The following GAP43 variants were observed in gnomAD, a reference collection of about 807,000 sequenced individuals.
The protein encoded by GAP43 is growth associated protein 43, also known as neuromodulin.
A neutral mutation model predicts 18.6 loss-of-function variants in GAP43; 6 were observed. The observed-to-expected ratio is 0.32, with a 90% CI of 0.18 to 0.64. The LOEUF is 0.64. Among genes scored for constraint, GAP43 ranks in the 30% least tolerant of loss-of-function variants. The probability of loss-of-function intolerance (pLI) is 0.78; values close to 1 mark genes in which losing one functional copy is unlikely to be tolerated. For missense variants in GAP43, 292 were observed against 295.5 expected, an observed-to-expected ratio of 0.99 and a Z score of 0.09; for synonymous variants, 115 against 111.4, an observed-to-expected ratio of 1.03 and a Z score of -0.20.
At chr3:115,676,938 T>C (rs1708900766) in intron 2 of GAP43, among the ~76,000 whole-genome samples, 1 of 152,248 alleles carries the variant, frequency 6.6e-6, no homozygotes, top group African/African-American at 2.4e-5. Context: ...TGTGTGCTGA[T>C]AGACTTAGTT....
At chr3:115,719,652 G>GT (rs1398407254) in intron 2 of GAP43, among the ~76,000 whole-genome samples, 5 of 152,124 alleles carry the variant, frequency 3.3e-5, no homozygotes, top group African/African-American at 9.7e-5. Flanking sequence ...AATTTGTTTG[G>GT]TTTCCTCCAA....
At chr3:115,716,957 T>G (rs1327692228) in intron 2 of GAP43, among the ~76,000 whole-genome samples, 1 of 151,758 alleles carries the variant, frequency 6.6e-6, no homozygotes, top group Non-Finnish European at 1.5e-5. Flanking sequence ...GCTACTTAGT[T>G]TCAGTGCCGA....
intron 2 of GAP43, among the ~76,000 whole-genome samples, chr3:115,698,211 A>AT (rs1491589531): frequency 3.7e-4 from 9 of 24,030 alleles, no homozygotes; most frequent in South Asian, 2.2e-3. Flanking sequence ...TATATTATAT[A>AT]AAATATATAA....
chr3:115,712,638 CATT>C (rs1346213079), intron 2 of GAP43, among the ~76,000 whole-genome samples: 1 of 152,040 alleles, frequency 6.6e-6, no homozygotes, highest in African/African-American at 2.4e-5. Flanking sequence ...GTAGGGCACG[CATT>C]ATTATTCATA....
chr3:115,687,792 T>G (rs1709053891), intron 2 of GAP43, among the ~76,000 whole-genome samples: 1 of 152,196 alleles, frequency 6.6e-6, no homozygotes, highest in Non-Finnish European at 1.5e-5. Flanking sequence ...GTTTTAAACT[T>G]AAGACCAAAT....
chr3:115,702,589 A>G (rs1401696939), intron 2 of GAP43, among the ~76,000 whole-genome samples: 4 of 152,164 alleles, frequency 2.6e-5, no homozygotes, highest in Admixed American at 2.6e-4. Context: ...AAGAGACTCC[A>G]GATCTCAAGA....
At position 115,676,595 on chromosome 3, in the gene GAP43, G is replaced by T; in HGVS notation, c.613G>T (p.Ala205Ser). The change falls in exon 2 of 3, where the codon GCT (alanine) becomes TCT (serine). Residue 205 changes from alanine (A) to serine (S), a missense_variant. Transcript: ENST00000305124. ...AACGGAGACTGGGGAGAGCAGCCAA[G>T]CTGAAGAGAACATAGGTGAGCAACC... is the stretch of plus-strand genomic sequence containing the variant. ...PPTETGESSQAEENIEAVDET... is the reference protein window; with the variant it reads ...PPTETGESSQSEENIEAVDET... 6.2e-7 allele frequency: 1 copy of T among 1,603,606 alleles called. No homozygotes were observed. The highest frequency in any genetic ancestry group is 8.5e-7 in the Non-Finnish European group (1 of 1,177,132).
chr3:115,635,796 T>C (rs1376402795), intron 1 of GAP43, among the ~76,000 whole-genome samples: 1 of 152,146 alleles, frequency 6.6e-6, no homozygotes, highest in Non-Finnish European at 1.5e-5. Flanking sequence ...AATTCAGTTT[T>C]TATCTTCACT....
chr3:115,663,465 C>G, intron 1 of GAP43: 1 of 1,057,432 alleles, frequency 9.5e-7, no homozygotes, highest in Non-Finnish European at 1.2e-6. Context: ...CTCTCCCTCC[C>G]TCTTCTCCCA....
intron 1 of GAP43, among the ~76,000 whole-genome samples, chr3:115,634,571 A>C (rs1708305540): frequency 6.6e-6 from 1 of 152,062 alleles, no homozygotes; most frequent in Non-Finnish European, 1.5e-5. Flanking sequence ...GGAGTTCGAG[A>C]CCAGCCTGGG....
At chr3:115,701,896 G>T (rs1232298830) in intron 2 of GAP43, among the ~76,000 whole-genome samples, 1 of 152,068 alleles carries the variant, frequency 6.6e-6, no homozygotes, top group Non-Finnish European at 1.5e-5. Flanking sequence ...AACATCAATT[G>T]TATTAGTACA....
At chr3:115,632,661 G>A (rs80027415) in intron 1 of GAP43, among the ~76,000 whole-genome samples, 10,082 of 152,154 alleles carry the variant, frequency 0.066, 416 homozygotes, top group Non-Finnish European at 0.091. Context: ...ACTGGATCAA[G>A]TTAGTCTAAG....
chr3:115,653,168 G>C (rs1018013618), intron 1 of GAP43, among the ~76,000 whole-genome samples: 1 of 152,052 alleles, frequency 6.6e-6, no homozygotes, highest in African/African-American at 2.4e-5. Flanking sequence ...GGCTAGGTGC[G>C]GTGGCTCATA....
In GAP43 at chr3:115,661,831, C is replaced by CTTTTTT. The variant is rs56209932; in HGVS notation, c.31-14173_31-14168dup. Among the ~76,000 whole-genome samples, 221 of 105,956 alleles carry CTTTTTT rather than the reference C, an allele frequency of 2.1e-3. 14 individuals carry two copies. The highest frequency in any genetic ancestry group is 8.4e-3 in the African/African-American group (207 of 24,564). The allele number at this position is 105,956 out of a possible 152,430, so 69.5% of individuals were successfully genotyped here. On this transcript the variant is annotated intron_variant, in intron 1 of 2. Transcript: ENST00000305124. ...AGTTTGGCTTGGGGAGAAACTAGGG[C>CTTTTTT]TTTTTTTTTTTTTTACCTGGGAGCT...
chr3:115,667,188 G>A (rs1274972864), intron 1 of GAP43, among the ~76,000 whole-genome samples: 1 of 152,070 alleles, frequency 6.6e-6, no homozygotes, highest in Admixed American at 6.5e-5. Context: ...TTAGAAGATT[G>A]TAAAAAAACA....
At chr3:115,675,923 A>G (rs1284622387) in intron 1 of GAP43, 90 bp from the exon 2 acceptor site, 2 of 1,514,246 alleles carry the variant, frequency 1.3e-6, no homozygotes, top group Non-Finnish European at 1.8e-6. Context: ...GCACAAAATA[A>G]ATCACTTAAT....
At chr3:115,647,762 A>C (rs367779580) in intron 1 of GAP43, among the ~76,000 whole-genome samples, 51 of 140,166 alleles carry the variant, frequency 3.6e-4, no homozygotes, top group African/African-American at 8.7e-4. Flanking sequence ...AAAAAACAAA[A>C]AAAAAAAACG....
rs189333500 is a variant in GAP43 at position 115,695,134 on chromosome 3, A to G, written c.628+18524A>G. ...GAAGTTCAATGTGATCAGAAAAGAAAAATTTTAGGATCTTTCAGAGTTAAA... is the reference window on the plus strand; with the variant it reads ...GAAGTTCAATGTGATCAGAAAAGAAGAATTTTAGGATCTTTCAGAGTTAAA... On this transcript the variant is annotated intron_variant, in intron 2 of 2. Coordinates refer to ENST00000305124, the MANE Select transcript of GAP43 (RefSeq NM_002045.4). Among the ~76,000 whole-genome samples the G allele has an allele frequency of 2.5e-3, 384 of 152,356 alleles. 1 individual carries two copies. The highest frequency in any genetic ancestry group is 8.0e-3 in the African/African-American group (331 of 41,594).
chr3:115,625,605 TAC>T (rs1708177975), intron 1 of GAP43, among the ~76,000 whole-genome samples: 1 of 152,164 alleles, frequency 6.6e-6, no homozygotes, highest in African/African-American at 2.4e-5. Context: ...ACCCTATGTG[TAC>T]ATATGCAAGT....
Sources: gnomAD v4.1 joint callset for allele counts (sites outside exome capture counted in the v4.1 genomes callset) on GRCh38, gnomAD v4.1.1 for gene constraint, MANE v1.5 for transcripts, NCBI Gene and HGNC (gene_info 2026-07-23, HGNC 2026-07-21) for gene names.